The following AGAP1 variants were observed in gnomAD, a reference collection of about 807,000 sequenced individuals.
The protein encoded by AGAP1 is ArfGAP with GTPase domain, ankyrin repeat and PH domain 1.
AGAP1 carries 29 observed loss-of-function variants against 105.3 expected under a neutral mutation model. The observed-to-expected ratio is 0.28, with a 90% CI of 0.21 to 0.38. AGAP1 has a LOEUF of 0.38. Among genes scored for constraint, AGAP1 ranks in the 10% least tolerant of loss-of-function variants. The probability of loss-of-function intolerance (pLI) is 1.00; values close to 1 mark genes in which losing one functional copy is unlikely to be tolerated. For synonymous variants in AGAP1, 509 were observed against 485.9 expected (o/e 1.05, Z -0.63); for missense variants, 998 against 1,165.1 (o/e 0.86, Z 2.09).
chr2:235,603,921 T>G (rs1033118723), intron 1 of AGAP1, among the ~76,000 whole-genome samples: 1 of 152,146 alleles, frequency 6.6e-6, no homozygotes, highest in African/African-American at 2.4e-5. Flanking sequence ...TGGTTGACGG[T>G]CTGCAAGTTG....
intron 1 of AGAP1, among the ~76,000 whole-genome samples, chr2:235,645,307 C>T (rs1947337102): frequency 6.6e-6 from 1 of 152,128 alleles, no homozygotes; most frequent in African/African-American, 2.4e-5. Flanking sequence ...GAGGTGGGCT[C>T]ACATACCTAT....
intron 1 of AGAP1, among the ~76,000 whole-genome samples, chr2:235,581,890 T>A (rs2149190884): frequency 6.6e-6 from 1 of 152,310 alleles, no homozygotes; most frequent in South Asian, 2.1e-4. Flanking sequence ...CAATGATTGG[T>A]GTCAAAAATT....
intron 1 of AGAP1, among the ~76,000 whole-genome samples, chr2:235,573,016 TTC>T (rs1491427789): frequency 0.15 from 3,653 of 25,110 alleles, 348 homozygotes; most frequent in African/African-American, 0.27. Context: ...CTTCTTCTTC[TTC>T]TTCTTCTTCT....
rs1318099420 is a variant in AGAP1 at position 235,557,107 on chromosome 2, G to A, written c.163+62258G>A. On this transcript the variant is annotated intron_variant, in intron 1 of 17. Transcript: ENST00000304032. The surrounding 1 kb of genome is among the most constrained non-coding windows in gnomAD (Gnocchi z 4.7). ...GGTCCTGGGGTGAGCTCTGGAGCCC[G>A]TGGGTCTGGTTGTCTTGCTGACCTG... Among the ~76,000 whole-genome samples the A allele has an allele frequency of 1.3e-5, 2 of 152,140 alleles. No individual in the cohort carries two copies. Among genetic ancestry groups the A allele is most frequent in the Middle Eastern group, 3.2e-3 (1 of 314 alleles).
chr2:235,795,984 C>T (rs913969337), intron 6 of AGAP1, among the ~76,000 whole-genome samples: 1 of 152,314 alleles, frequency 6.6e-6, no homozygotes, highest in South Asian at 2.1e-4. Context: ...CGCATCTTCC[C>T]TTAGTTTCTA....
At chr2:235,565,806 G>T (rs1388702274) in intron 1 of AGAP1, among the ~76,000 whole-genome samples, 1 of 151,940 alleles carries the variant, frequency 6.6e-6, no homozygotes, top group Non-Finnish European at 1.5e-5. Flanking sequence ...AACTACAGGT[G>T]CACGCCACCA....
At position 236,124,716 on chromosome 2, in the gene AGAP1, T is replaced by A. The variant is rs1467781923; in HGVS notation, c.*594T>A. On this transcript the variant is annotated 3_prime_UTR_variant, in exon 18 of 18. Transcript: ENST00000304032. The surrounding 1 kb of genome is among the most constrained non-coding windows in gnomAD (Gnocchi z 5.1). ...TACAGCCGAGTTCTTCCCGCATTAC[T>A]GCTGTTTAATAGAACGTGATTAGTC... The A allele has an allele frequency of 6.4e-6, 1 of 156,304 alleles. No individual in the cohort carries two copies. The highest frequency in any genetic ancestry group is 1.4e-5 in the Non-Finnish European group (1 of 70,132). The allele number at this position is 156,304 out of a possible 1,614,324, so 9.7% of individuals were successfully genotyped here.
chr2:235,670,582 T>C (rs1413805289), intron 1 of AGAP1: 4 of 538,308 alleles, frequency 7.4e-6, no homozygotes, highest in Non-Finnish European at 1.3e-5. Flanking sequence ...GGAGCGGGCC[T>C]GAGGCGCCGC....
In AGAP1 at chr2:235,659,582, C is replaced by T. The variant is rs1385655426; in HGVS notation, c.164-49597C>T. 2.6e-5 allele frequency among the ~76,000 whole-genome samples: 4 copies of T among 152,184 alleles called. No individual in the cohort carries two copies. Among genetic ancestry groups the T allele is most frequent in the Admixed American group, 6.5e-5 (1 of 15,284 alleles). On this transcript the variant is annotated intron_variant, in intron 1 of 17. Transcript: ENST00000304032. The surrounding 1 kb of genome is among the most constrained non-coding windows in gnomAD (Gnocchi z 5.0). ...GGGGTCCCTTTGCAGCTCCCCTGAACGTGCCATTTGAAGCATAGCAACCAT... is the reference window on the plus strand; with the variant it reads ...GGGGTCCCTTTGCAGCTCCCCTGAATGTGCCATTTGAAGCATAGCAACCAT...
intron 6 of AGAP1, among the ~76,000 whole-genome samples, chr2:235,785,072 A>G (rs59832814): frequency 0.26 from 39,315 of 152,182 alleles, 5,439 homozygotes; most frequent in Admixed American, 0.4. Flanking sequence ...TTAACAGAGC[A>G]GGGAGGAGAC....
chr2:235,715,859 G>C (rs1197502218), intron 2 of AGAP1, among the ~76,000 whole-genome samples: 1 of 152,152 alleles, frequency 6.6e-6, no homozygotes, highest in Non-Finnish European at 1.5e-5. Context: ...ATGGCCTCCA[G>C]CTTTCTGGCT....
rs1950494832 is a variant in AGAP1, at chr2:235,705,527, A to G, written c.164-3652A>G. 1.3e-5 allele frequency among the ~76,000 whole-genome samples: 2 copies of G among 152,236 alleles called. No homozygotes were observed. The highest frequency in any genetic ancestry group is 2.9e-5 in the Non-Finnish European group (2 of 68,040). On this transcript the variant is annotated intron_variant, in intron 1 of 17. Transcript: ENST00000304032. The surrounding 1 kb of genome is among the most constrained non-coding windows in gnomAD (Gnocchi z 4.9). ...GTGATGAACAATTCCACGCCAGCAC[A>G]GTGTCCAGCCCACAGATAGGTCCCT... is the stretch of plus-strand genomic sequence containing the variant.
chr2:235,619,976 G>A (rs915621319), intron 1 of AGAP1, among the ~76,000 whole-genome samples: 5 of 152,172 alleles, frequency 3.3e-5, no homozygotes, highest in Non-Finnish European at 7.3e-5. Flanking sequence ...TTGGTGGCAT[G>A]GCTGTCCCAA....
chr2:235,675,950 T>C (rs752336295), intron 1 of AGAP1, among the ~76,000 whole-genome samples: 26 of 152,248 alleles, frequency 1.7e-4, no homozygotes, highest in Non-Finnish European at 1.6e-4. Context: ...GACAGGCACA[T>C]TGTAGCAAAT....
rs1943973787 is a variant in AGAP1 at position 235,556,376 on chromosome 2, G to A, written c.163+61527G>A. Among the ~76,000 whole-genome samples, 1 of 152,244 alleles carries A rather than the reference G, an allele frequency of 6.6e-6. No individual in the cohort carries two copies. The highest frequency in any genetic ancestry group is 1.5e-5 in the Non-Finnish European group (1 of 68,048). ...GCTCCAGTGGCTACAGAAGAGAGAGGAGGGACACTGACCCCAAGGCCCAGG... is the reference window on the plus strand; with the variant it reads ...GCTCCAGTGGCTACAGAAGAGAGAGAAGGGACACTGACCCCAAGGCCCAGG... On this transcript the variant is annotated intron_variant, in intron 1 of 17. Coordinates refer to ENST00000304032, the MANE Select transcript of AGAP1 (RefSeq NM_001037131.3). This position sits in a 1 kb window ranked among gnomAD's most constrained non-coding sequence, Gnocchi z 5.3.
intron 3 of AGAP1, among the ~76,000 whole-genome samples, chr2:235,727,880 G>C (rs1005686161): frequency 6.6e-6 from 1 of 152,186 alleles, no homozygotes; most frequent in Non-Finnish European, 1.5e-5. Flanking sequence ...ACAGGGTGGG[G>C]GTGCAGCATG....
Position 235,631,269 on chromosome 2 carries a change from T to C in AGAP1, c.164-77910T>C, listed in dbSNP as rs1946821829. Among the ~76,000 whole-genome samples the C allele has an allele frequency of 6.6e-6, 1 of 152,162 alleles. No individual in the cohort carries two copies. The highest frequency in any genetic ancestry group is 2.1e-4 in the South Asian group (1 of 4,824). On this transcript the variant is annotated intron_variant, in intron 1 of 17. Coordinates refer to ENST00000304032, the MANE Select transcript of AGAP1 (RefSeq NM_001037131.3). This position sits in a 1 kb window ranked among gnomAD's most constrained non-coding sequence, Gnocchi z 5.4. ...AGATCCCAGGGTAACAAAAGGGTGG[T>C]GTCCCCTAAAGGCTTGGAAGGATTG... is the stretch of plus-strand genomic sequence containing the variant.
At chr2:235,667,635 C>G (rs777109639) in intron 1 of AGAP1, among the ~76,000 whole-genome samples, 1 of 152,102 alleles carries the variant, frequency 6.6e-6, no homozygotes, top group Non-Finnish European at 1.5e-5. Flanking sequence ...GGCTGCTACT[C>G]TAGAAGTTGG....
rs1448183746 is a variant in AGAP1, at chr2:235,662,115, C to G, written c.164-47064C>G. Among the ~76,000 whole-genome samples the G allele has an allele frequency of 1.3e-5, 2 of 152,150 alleles. No individual in the cohort carries two copies. Among genetic ancestry groups the G allele is most frequent in the Non-Finnish European group, 2.9e-5 (2 of 68,026 alleles). ...CGCTGAGGAGGCGGCACGGCCTGGC[C>G]CTCCACCTCCAAGCTGACCACCCTA... On this transcript the variant is annotated intron_variant, in intron 1 of 17. Coordinates refer to ENST00000304032, the MANE Select transcript of AGAP1 (RefSeq NM_001037131.3). This position sits in a 1 kb window ranked among gnomAD's most constrained non-coding sequence, Gnocchi z 4.2.
Sources: gnomAD v4.1 joint callset for allele counts (sites outside exome capture counted in the v4.1 genomes callset) on GRCh38, gnomAD v4.1.1 for gene constraint, Gnocchi (gnomAD v3.1) non-coding constraint, MANE v1.5 for transcripts, NCBI Gene and HGNC (gene_info 2026-07-23, HGNC 2026-07-21) for gene names.